The following SLC3A1 variants were observed in gnomAD, a reference collection of about 807,000 sequenced individuals.
SLC3A1 encodes the protein amino acid transporter heavy chain SLC3A1.
In SLC3A1, 78 loss-of-function variants were observed where a neutral mutation model predicts 60.3. The observed-to-expected ratio is 1.29, with a 90% CI of 1.08 to 1.56. The LOEUF (loss-of-function observed/expected upper bound fraction) is 1.56, where lower values mean the gene tolerates loss of function less well. SLC3A1 is among the 40% of genes most tolerant of loss of function. SLC3A1 has a pLI of 0.00. For missense variants in SLC3A1, 1,172 were observed against 858.9 expected, an observed-to-expected ratio of 1.36 and a Z score of -4.56; for synonymous variants, 392 against 307.9, an observed-to-expected ratio of 1.27 and a Z score of -2.86.
chr2:44,308,692 T>G (rs2104377939), intron 7 of SLC3A1, among the ~76,000 whole-genome samples: 1 of 152,258 alleles, frequency 6.6e-6, no homozygotes, highest in Non-Finnish European at 1.5e-5. Context: ...TTGCTGAACT[T>G]GTTTTTCGTT....
At chr2:44,301,605 G>T (rs1398167280) in intron 6 of SLC3A1, among the ~76,000 whole-genome samples, 2 of 151,848 alleles carry the variant, frequency 1.3e-5, no homozygotes, top group Admixed American at 1.3e-4. Flanking sequence ...TGGGTGTGGT[G>T]GTGGGTGCCT....
chr2:44,311,417 G>C (rs915905347), intron 7 of SLC3A1, among the ~76,000 whole-genome samples: 30 of 152,028 alleles, frequency 2.0e-4, no homozygotes, highest in African/African-American at 7.0e-4. Context: ...ACCATTATAT[G>C]AGCCATATTT....
intron 4 of SLC3A1, among the ~76,000 whole-genome samples, chr2:44,297,358 C>T (rs780292371): frequency 6.6e-6 from 1 of 152,162 alleles, no homozygotes; most frequent in African/African-American, 2.4e-5. Flanking sequence ...TCACGGTCAC[C>T]TGGTCCTCCC....
At chr2:44,309,688 C>G (rs1370384260) in intron 7 of SLC3A1, among the ~76,000 whole-genome samples, 1 of 152,088 alleles carries the variant, frequency 6.6e-6, no homozygotes, top group Non-Finnish European at 1.5e-5. Flanking sequence ...CAACCTCTGC[C>G]TCTGGGTTCA....
chr2:44,304,083 G>C (rs1456435474), intron 6 of SLC3A1, 60 bp from the exon 7 acceptor site: 1 of 1,288,730 alleles, frequency 7.8e-7, no homozygotes, highest in Admixed American at 1.7e-5. Context: ...AGCAGCTGTG[G>C]AGTGCCTTCC....
intron 6 of SLC3A1, 200 bp from the exon 7 acceptor site, chr2:44,303,943 G>A (rs1330905318): frequency 1.5e-6 from 1 of 655,672 alleles, no homozygotes; most frequent in Non-Finnish European, 2.8e-6. Flanking sequence ...GTATTCCATG[G>A]TGTGTATGTG....
At chr2:44,306,344 C>T (rs865807719) in intron 7 of SLC3A1, among the ~76,000 whole-genome samples, 32 of 152,190 alleles carry the variant, frequency 2.1e-4, no homozygotes, top group Admixed American at 3.9e-4. Context: ...ATCTGTGAAC[C>T]ACAATTAAGC....
chr2:44,281,017 C>T, intron 2 of SLC3A1, 122 bp downstream of exon 2: 5 of 792,310 alleles, frequency 6.3e-6, no homozygotes, highest in Non-Finnish European at 1.0e-5. Flanking sequence ...CTCCCTCCCT[C>T]CCTTCCTTCT....
intron 4 of SLC3A1, among the ~76,000 whole-genome samples, chr2:44,288,913 C>T (rs1164376111): frequency 6.6e-6 from 1 of 152,080 alleles, no homozygotes; most frequent in Non-Finnish European, 1.5e-5. Context: ...CGGCTCACTG[C>T]AACCCCAGTC....
chr2:44,300,116 C>A (rs1671965608), intron 5 of SLC3A1, 26 bp downstream of exon 5: 5 of 1,611,904 alleles, frequency 3.1e-6, no homozygotes, highest in Non-Finnish European at 4.2e-6. Flanking sequence ...AAACGTTTTT[C>A]TTTTGCCTTT....
At chr2:44,314,187 A>G in intron 9 of SLC3A1, 6 of 1,043,416 alleles carry the variant, frequency 5.8e-6, no homozygotes, top group Non-Finnish European at 8.1e-6. Context: ...ACAAGTCTTC[A>G]TTGCAATGAC....
At chr2:44,313,083 GGTTTA>G (rs1439298618) in intron 8 of SLC3A1, among the ~76,000 whole-genome samples, 1 of 151,662 alleles carries the variant, frequency 6.6e-6, no homozygotes, top group South Asian at 2.1e-4. Context: ...GAGAACCGGT[GGTTTA>G]GTTTAGAATA....
intron 6 of SLC3A1, among the ~76,000 whole-genome samples, chr2:44,302,582 T>C (rs906633445): frequency 1.3e-5 from 2 of 152,220 alleles, no homozygotes; most frequent in Admixed American, 1.3e-4. Context: ...CATGCACTTA[T>C]CCATAAATAT....
chr2:44,291,663 G>A lies in SLC3A1; in HGVS notation c.891+5506G>A, dbSNP rs572481904. 2.3e-3 allele frequency among the ~76,000 whole-genome samples: 346 copies of A among 152,266 alleles called. 1 individual carries two copies. The highest frequency in any genetic ancestry group is 0.01 in the Middle Eastern group (3 of 294). On this transcript the variant is annotated intron_variant, in intron 4 of 9. Transcript: ENST00000260649. ...TCCTCCCCACCTTACCCCCAGCAGC[G>A]CTTGTTTCTGCAATAGAGTTAAGCA...
chr2:44,301,362 CAGG>C (rs1672002169), intron 6 of SLC3A1: 1 of 613,226 alleles, frequency 1.6e-6, no homozygotes, highest in Non-Finnish European at 2.9e-6. Context: ...ACGTACTTCA[CAGG>C]AGTTTTGTGA....
rs758905763 is a variant in SLC3A1, at chr2:44,275,636, C to T, written c.101C>T (p.Thr34Ile). 4 of 1,613,972 alleles carry T rather than the reference C, an allele frequency of 2.5e-6. No homozygotes were observed. In the African/African-American group the frequency reaches 4.0e-5, roughly 16 times the overall value. Residue 34 changes from threonine (T) to isoleucine (I), a missense_variant, in exon 1 of 10, where the codon ACC (threonine) becomes ATC (isoleucine). Transcript: ENST00000260649. ...FVHNEDILEQ[T>I]PDPGSSTDNL... ...CATAATGAAGACATTCTGGAGCAGA[C>T]CCCGGATCCAGGAAGCTCAACAGAC...
rs149411180 is a variant in SLC3A1, at chr2:44,304,260, T to C, written c.1254T>C (p.Thr418=). The change falls in exon 7 of 10, where the codon ACT becomes ACC. Residue 418 remains threonine (T), a synonymous_variant. Coordinates refer to ENST00000260649, the MANE Select transcript of SLC3A1 (RefSeq NM_000341.4). The part of the protein sequence containing the change: ...PFNNYLSMLD[T]VSGNSVYEVI... The stretch of plus-strand genomic sequence containing the variant: ...ACAATTACCTCAGCATGCTAGACAC[T>C]GTTTCTGGGAACAGCGTGTATGAGG... The C allele has an allele frequency of 1.2e-6, 2 of 1,614,144 alleles. No individual in the cohort carries two copies. The highest frequency in any genetic ancestry group is 1.7e-6 in the Non-Finnish European group (2 of 1,179,974).
chr2:44,318,313 A>T (rs975915280), intron 9 of SLC3A1: 2 of 243,168 alleles, frequency 8.2e-6, no homozygotes, highest in Non-Finnish European at 1.7e-5. Context: ...GCTGGTCTTG[A>T]ACTCCTGACC....
intron 9 of SLC3A1, 177 bp downstream of exon 9, chr2:44,314,128 A>G: frequency 7.0e-7 from 1 of 1,420,520 alleles, no homozygotes; most frequent in Non-Finnish European, 9.6e-7. Context: ...TTGTGAAAAT[A>G]CAAACTGGTA....
Sources: gnomAD v4.1 joint callset for allele counts (sites outside exome capture counted in the v4.1 genomes callset) on GRCh38, gnomAD v4.1.1 for gene constraint, MANE v1.5 for transcripts, NCBI Gene and HGNC (gene_info 2026-07-23, HGNC 2026-07-21) for gene names.